HIP1R: variants seen among roughly 807,000 people sequenced by gnomAD.
HIP1R encodes huntingtin-interacting protein 1-related protein.
A neutral mutation model predicts 144.2 loss-of-function variants in HIP1R; 135 were observed. The ratio of observed to expected loss-of-function variants is 0.94; its 90% confidence interval spans 0.81 to 1.08. The LOEUF is 1.08. HIP1R is among the 50% of genes least tolerant of loss of function. The pLI is 0.00. For missense variants in HIP1R, 1,462 were observed against 1,432.8 expected (o/e 1.02, Z -0.33); for synonymous variants, 698 against 612.8 (o/e 1.14, Z -2.05).
chr12:122,857,145 C>A lies in HIP1R; in HGVS notation c.1745C>A (p.Ala582Glu). Residue 582 changes from alanine (A) to glutamate (E), a missense_variant, in exon 18 of 32, where the codon GCG becomes GAG. This residue lies in a region of HIP1R where 1,112 missense variants were observed against 1,011.7 expected (regional missense o/e 1.10). Transcript: ENST00000253083. ...AAQSLVRETE[A>E]ALSREQQRSS... ...CAGAGCCTGGTGCGCGAGACAGAGG[C>A]GGCGCTGAGCCGGGAGCAGCAGCGC... The A allele has an allele frequency of 6.4e-7, 1 of 1,550,394 alleles. No individual in the cohort carries two copies. Among genetic ancestry groups the A allele is most frequent in the South Asian group, 1.2e-5 (1 of 84,034 alleles).
Position 122,859,513 on chromosome 12 carries a change from G to A in HIP1R, c.2383G>A (p.Glu795Lys), listed in dbSNP as rs2033699690. The change falls in exon 23 of 32, where the codon GAA becomes AAA. Residue 795 changes from glutamate to lysine, a missense_variant. By Grantham distance (56) the Glu-to-Lys change is moderately conservative. This residue lies in a region of HIP1R where 1,112 missense variants were observed against 1,011.7 expected (regional missense o/e 1.10). Coordinates refer to ENST00000253083, the MANE Select transcript of HIP1R (RefSeq NM_003959.3). ...GATGGCGGCCACATCCGCAGCCATT[G>A]AAGATGCTGTGCGGAGGATTGAGGT... is the stretch of plus-strand genomic sequence containing the variant. ...KEMAATSAAI[E>K]DAVRRIEDMM... 4 of 1,612,934 alleles carry A rather than the reference G, an allele frequency of 2.5e-6. No individual in the cohort carries two copies. Among genetic ancestry groups the A allele is most frequent in the Admixed American group, 3.3e-5 (2 of 60,024 alleles).
intron 5 of HIP1R, chr12:122,850,173 G>A (rs1479816202): frequency 1.5e-6 from 1 of 670,840 alleles, no homozygotes; most frequent in Non-Finnish European, 2.7e-6. Context: ...GTGGGCACGG[G>A]CTTCCCCAGG....
Position 122,856,696 on chromosome 12 carries a change from C to A in HIP1R, c.1590C>A (p.Arg530=). Residue 530 remains arginine (R), a synonymous_variant, in exon 17 of 32, where the codon CGC becomes CGA. Transcript: ENST00000253083. ...ELEAKAGELA[R]AQEALSHTEQ... ...AGGCCAAGGCCGGAGAGCTGGCCCGCGCGCAGGAGGCCCTGAGCCACACAG... is the reference window on the plus strand; with the variant it reads ...AGGCCAAGGCCGGAGAGCTGGCCCGAGCGCAGGAGGCCCTGAGCCACACAG... The A allele has an allele frequency of 1.3e-6, 2 of 1,589,454 alleles. No individual in the cohort carries two copies. The highest frequency in any genetic ancestry group is 2.3e-5 in the South Asian group (2 of 87,642).
Position 122,854,303 on chromosome 12 carries a change from A to G in HIP1R, c.718+120A>G, listed in dbSNP as rs1003130132. On this transcript the variant is annotated intron_variant, in intron 8 of 31. Coordinates refer to ENST00000253083, the MANE Select transcript of HIP1R (RefSeq NM_003959.3). ...ATTCATTTAAAAATGGCAGTAATAA[A>G]CCCACTGCCCATTAATAGAAATAAC... The G allele has an allele frequency of 1.5e-5, 10 of 646,274 alleles. No individual in the cohort carries two copies. In the African/African-American group the frequency reaches 1.7e-4, roughly 11 times the overall value. 40.0% of individuals were successfully genotyped at this position (646,274 alleles called of 1,614,324 possible).
chr12:122,848,699 C>G, intron 3 of HIP1R, 91 bp downstream of exon 3: 2 of 1,595,524 alleles, frequency 1.3e-6, no homozygotes, highest in Non-Finnish European at 1.7e-6. Flanking sequence ...CCCGTAGCTC[C>G]GGGCTGTTCC....
At position 122,848,191 on chromosome 12, in the gene HIP1R, A is replaced by C. The variant is rs528961395; in HGVS notation, c.157+97A>C. On this transcript the variant is annotated intron_variant, in intron 2 of 31. Coordinates refer to ENST00000253083, the MANE Select transcript of HIP1R (RefSeq NM_003959.3). The stretch of plus-strand genomic sequence containing the variant: ...TGCGGTCAGCTGTGCCGGGGTCACA[A>C]GTTCCCTCACTGAGCCCGGGGAGGA... 810 of 1,343,016 alleles carry C rather than the reference A, an allele frequency of 6.0e-4. 3 individuals are homozygous for C. Among genetic ancestry groups the C allele is most frequent in the Non-Finnish European group, 5.4e-4 (513 of 946,866 alleles). 83.2% of individuals were successfully genotyped at this position (1,343,016 alleles called of 1,614,324 possible).
intron 1 of HIP1R, among the ~76,000 whole-genome samples, chr12:122,843,868 T>A (rs1316658796): frequency 1.3e-5 from 2 of 152,186 alleles, no homozygotes; most frequent in Non-Finnish European, 2.9e-5. Flanking sequence ...TTTGTTTTGT[T>A]TGAGATGGAG....
chr12:122,860,051 C>T lies in HIP1R; in HGVS notation c.2470C>T (p.Leu824Phe). Residue 824 changes from leucine (L) to phenylalanine (F), a missense_variant, in exon 25 of 32, where the codon CTC becomes TTC. Coordinates refer to ENST00000253083, the MANE Select transcript of HIP1R (RefSeq NM_003959.3). ...GVKLEVNERI[L>F]NSCTDLMKAI... ...GTCTCTCCTTCTCTCCCCCAGGATC[C>T]TCAACTCCTGCACAGACCTGATGAA... The T allele has an allele frequency of 6.4e-7, 1 of 1,558,396 alleles. No individual in the cohort carries two copies. Among genetic ancestry groups the T allele is most frequent in the Non-Finnish European group, 8.7e-7 (1 of 1,153,224 alleles).
At chr12:122,835,338 CG>C, upstream of HIP1R, 1 of 855,168 alleles carries the variant, frequency 1.2e-6, no homozygotes, top group African/African-American at 3.2e-5. Flanking sequence ...GAGTTGGGGG[CG>C]GGCGAGGCGT....
chr12:122,849,791 TG>T, intron 4 of HIP1R, 83 bp from the exon 5 acceptor site: 1 of 878,614 alleles, frequency 1.1e-6, no homozygotes, highest in Non-Finnish European at 1.9e-6. Context: ...TGCCCGGTGG[TG>T]GGTCACTCTC....
In HIP1R at chr12:122,835,542, G is replaced by A. The variant is rs1439538568; in HGVS notation, c.-9G>A. 3.7e-6 allele frequency: 5 copies of A among 1,339,148 alleles called. No individual in the cohort carries two copies. Among genetic ancestry groups the A allele is most frequent in the African/African-American group, 1.5e-5 (1 of 65,502 alleles). The allele number at this position is 1,339,148 out of a possible 1,614,324, so 83.0% of individuals were successfully genotyped here. A position where few individuals can be genotyped will look rare whatever the true frequency, so the allele number is the denominator to read the frequency against. On this transcript the variant is annotated 5_prime_UTR_variant, in exon 1 of 32. Coordinates refer to ENST00000253083, the MANE Select transcript of HIP1R (RefSeq NM_003959.3). ...ACGGAGCCGGACAAAAGCGGGCGGC[G>A]GCGGCAGGATGAACAGCATCAAGAA...
intron 4 of HIP1R, among the ~76,000 whole-genome samples, chr12:122,849,100 G>C (rs1210278508): frequency 4.6e-5 from 7 of 152,182 alleles, no homozygotes; most frequent in Admixed American, 4.6e-4. Context: ...TCACGAGTTG[G>C]GAAATGTGGC....
At chr12:122,853,156 G>A (rs1353320346) in intron 7 of HIP1R, among the ~76,000 whole-genome samples, 1 of 152,162 alleles carries the variant, frequency 6.6e-6, no homozygotes, top group African/African-American at 2.4e-5. Context: ...AGCCAAGGAG[G>A]AGGCAGCCTC....
In HIP1R at chr12:122,860,465, T is replaced by A; in HGVS notation, c.2602T>A (p.Trp868Arg). ...GGAATTTTACGCCAAGAACTCGCGC[T>A]GGACCGAAGGCCTCATCTCGGCCTC... Reference protein sequence around the residue: ...QQEFYAKNSRWTEGLISASKA... With the variant: ...QQEFYAKNSRRTEGLISASKA... Residue 868 changes from tryptophan to arginine, a missense_variant, in exon 27 of 32, where the codon TGG becomes AGG. Physicochemically the swap from Trp to Arg is moderately radical, Grantham distance 101. This residue lies in a region of HIP1R where 1,112 missense variants were observed against 1,011.7 expected (regional missense o/e 1.10). Transcript: ENST00000253083. 6.2e-7 allele frequency: 1 copy of A among 1,613,146 alleles called. No homozygotes were observed. The highest frequency in any genetic ancestry group is 8.5e-7 in the Non-Finnish European group (1 of 1,179,930).
chr12:122,855,400 C>A lies in HIP1R; in HGVS notation c.988C>A (p.Pro330Thr). ...CAGCACAGGGCCCCCCGCGGGGGAG[C>A]CAGTGGTGAGCCCCCTGCCCAGCCC... ...EISTGPPAGE[P>T]VVVADLFDQT... The change falls in exon 11 of 32, where the codon CCA (proline) becomes ACA (threonine). Residue 330 changes from proline (P) to threonine (T), a missense_variant. Transcript: ENST00000253083. The A allele has an allele frequency of 1.3e-6, 2 of 1,565,738 alleles. 1 individual carries two copies. The highest frequency in any genetic ancestry group is 2.3e-5 in the South Asian group (2 of 85,940).
chr12:122,835,081 T>G, upstream of HIP1R: 4 of 993,450 alleles, frequency 4.0e-6, no homozygotes, highest in Non-Finnish European at 5.5e-6. Flanking sequence ...AGGGAGGGGT[T>G]CCCCCTCCCC....
At chr12:122,849,050 T>C (rs2033296257) in intron 4 of HIP1R, among the ~76,000 whole-genome samples, 198 bp downstream of exon 4, 1 of 152,194 alleles carries the variant, frequency 6.6e-6, no homozygotes, top group Non-Finnish European at 1.5e-5. Flanking sequence ...GCATAACCAG[T>C]GGGCCCTCCA....
In HIP1R at chr12:122,856,146, T is replaced by C. The variant is rs748843210; in HGVS notation, c.1295T>C (p.Leu432Pro). ...AQLEGERSQG[L>P]REEAERKASA... ...CTGGAGGGCGAGCGGAGCCAGGGCC[T>C]GCGTGAGGAGGCTGAGAGTACGTGG... Residue 432 changes from leucine to proline, a missense_variant, in exon 14 of 32, where the codon CTG (leucine) becomes CCG (proline). By Grantham distance (98) the Leu-to-Pro change is moderately conservative. This residue lies in a region of HIP1R where 1,112 missense variants were observed against 1,011.7 expected (regional missense o/e 1.10). Transcript: ENST00000253083. 1 of 1,597,632 alleles carries C rather than the reference T, an allele frequency of 6.3e-7. No homozygotes were observed. Among genetic ancestry groups the C allele is most frequent in the Admixed American group, 1.8e-5 (1 of 56,906 alleles).
Position 122,851,308 on chromosome 12 carries a change from AAG to A in HIP1R, c.577+14_577+15del. 1.9e-6 allele frequency: 3 copies of A among 1,545,034 alleles called. No individual in the cohort carries two copies. Among genetic ancestry groups the A allele is most frequent in the Non-Finnish European group, 2.6e-6 (3 of 1,153,818 alleles). On this transcript the variant is annotated intron_variant, in intron 7 of 31. Coordinates refer to ENST00000253083, the MANE Select transcript of HIP1R (RefSeq NM_003959.3). ...AGCTTTCTGAATCAGGTGAGCCGTAAAGAGGGGATGCGGGGGTCTGAGTGTAT... is the reference window on the plus strand; with the variant it reads ...AGCTTTCTGAATCAGGTGAGCCGTAAAGGGGATGCGGGGGTCTGAGTGTAT...
Sources: allele counts gnomAD v4.1 joint callset (sites outside exome capture counted in the v4.1 genomes callset), GRCh38; gene constraint gnomAD v4.1.1; regional missense constraint gnomAD v4.1.1; transcripts MANE v1.5; gene names NCBI Gene and HGNC (gene_info 2026-07-23, HGNC 2026-07-21).